The following ZMAT4 variants were observed in gnomAD, a reference collection of about 807,000 sequenced individuals.
The protein encoded by ZMAT4 is zinc finger matrin-type protein 4.
In ZMAT4, 17 loss-of-function variants were observed where a neutral mutation model predicts 28.7. The ratio of observed to expected loss-of-function variants is 0.59; its 90% CI spans 0.41 to 0.89. The LOEUF is 0.89. Ranked by LOEUF, ZMAT4 falls within the 40% of genes least tolerant of loss-of-function variation. The pLI, the probability that ZMAT4 is intolerant of heterozygous loss-of-function variation, is 0.00. For missense variants in ZMAT4, 240 were observed against 283.8 expected, an observed-to-expected ratio of 0.85 and a Z score of 1.11; for synonymous variants, 117 against 109.2, an observed-to-expected ratio of 1.07 and a Z score of -0.44.
intron 5 of ZMAT4, among the ~76,000 whole-genome samples, chr8:40,623,191 G>A (rs928193941): frequency 6.6e-6 from 1 of 152,154 alleles, no homozygotes; most frequent in Admixed American, 6.5e-5. Flanking sequence ...AGAGGGCAGA[G>A]GGAAAGTCAC....
chr8:40,615,531 G>A lies in ZMAT4; in HGVS notation c.578-34270C>T, dbSNP rs984964099. On this transcript the variant is annotated intron_variant, in intron 5 of 6. Transcript: ENST00000297737. The stretch of plus-strand genomic sequence containing the variant: ...TATCCTGCAGAGTGTTTTCCAACTT[G>A]GTTCCATTCTCCCCGTCACTGTCAA... Among the ~76,000 whole-genome samples, 4 of 152,122 alleles carry A rather than the reference G, an allele frequency of 2.6e-5. No individual in the cohort carries two copies. The South Asian group carries it at 8.3e-4, about 32-fold the overall frequency.
At chr8:40,819,898 T>C (rs1052501301) in intron 2 of ZMAT4, among the ~76,000 whole-genome samples, 2 of 151,992 alleles carry the variant, frequency 1.3e-5, no homozygotes, top group African/African-American at 4.8e-5. Context: ...AGCAAATATA[T>C]ATGTTTTTAT....
chr8:40,794,817 T>C (rs897105607), intron 2 of ZMAT4, among the ~76,000 whole-genome samples: 1 of 151,952 alleles, frequency 6.6e-6, no homozygotes, highest in Admixed American at 6.5e-5. Flanking sequence ...GCTGTCATCG[T>C]CAAGGGGTTG....
intron 5 of ZMAT4, among the ~76,000 whole-genome samples, chr8:40,622,277 TAG>T (rs1806228746): frequency 6.6e-6 from 1 of 152,194 alleles, no homozygotes; most frequent in African/African-American, 2.4e-5. Context: ...AAGAGAACAG[TAG>T]AGAGCTTGAA....
chr8:40,686,921 C>T (rs534683022), intron 4 of ZMAT4, among the ~76,000 whole-genome samples: 3 of 151,884 alleles, frequency 2.0e-5, no homozygotes, highest in African/African-American at 7.3e-5. Flanking sequence ...TAACTGCTGC[C>T]CTGTGTTCTT....
chr8:40,598,236 G>C (rs1283033816), intron 5 of ZMAT4, among the ~76,000 whole-genome samples: 1 of 152,182 alleles, frequency 6.6e-6, no homozygotes, highest in Non-Finnish European at 1.5e-5. Flanking sequence ...CAGGATACAT[G>C]TGCAGAATGT....
intron 6 of ZMAT4, among the ~76,000 whole-genome samples, chr8:40,571,185 G>T: frequency 6.6e-6 from 1 of 152,058 alleles, no homozygotes; most frequent in East Asian, 1.9e-4. Flanking sequence ...TGATATGAAA[G>T]AATGAACATG....
At chr8:40,808,294 A>G (rs1308356781) in intron 2 of ZMAT4, among the ~76,000 whole-genome samples, 1 of 152,170 alleles carries the variant, frequency 6.6e-6, no homozygotes, top group Non-Finnish European at 1.5e-5. Context: ...AACTACTATG[A>G]GAACACCTGA....
chr8:40,761,720 T>C (rs1812950141), intron 3 of ZMAT4, among the ~76,000 whole-genome samples: 2 of 152,184 alleles, frequency 1.3e-5, no homozygotes, highest in South Asian at 2.1e-4. Flanking sequence ...AATTGGCTGA[T>C]TGATTAATTA....
intron 5 of ZMAT4, among the ~76,000 whole-genome samples, chr8:40,599,116 A>G (rs1055332702): frequency 6.6e-6 from 1 of 152,130 alleles, no homozygotes; most frequent in Non-Finnish European, 1.5e-5. Flanking sequence ...GGTACTACAC[A>G]TTCCCTTATT....
At chr8:40,579,113 T>G (rs570484438) in intron 6 of ZMAT4, among the ~76,000 whole-genome samples, 97 of 152,296 alleles carry the variant, frequency 6.4e-4, no homozygotes, top group African/African-American at 2.3e-3. Context: ...ATAATAGATG[T>G]GAAAATACCT....
At chr8:40,630,003 T>A (rs1044017234) in intron 5 of ZMAT4, among the ~76,000 whole-genome samples, 1 of 152,130 alleles carries the variant, frequency 6.6e-6, no homozygotes, top group African/African-American at 2.4e-5. Flanking sequence ...CAATGGTTCC[T>A]TTTCAATTTT....
At chr8:40,572,800 C>T (rs1804139476) in intron 6 of ZMAT4, among the ~76,000 whole-genome samples, 1 of 152,084 alleles carries the variant, frequency 6.6e-6, no homozygotes. Context: ...AATTTGACTG[C>T]CATTATGCTG....
At chr8:40,676,393 C>A (rs1228598783) in intron 4 of ZMAT4, among the ~76,000 whole-genome samples, 1 of 152,034 alleles carries the variant, frequency 6.6e-6, no homozygotes, top group Admixed American at 6.6e-5. Flanking sequence ...CTCACATGGG[C>A]CATTAGTCCT....
At chr8:40,669,870 A>C (rs1256630910) in intron 5 of ZMAT4, among the ~76,000 whole-genome samples, 1 of 152,176 alleles carries the variant, frequency 6.6e-6, no homozygotes, top group East Asian at 1.9e-4. Flanking sequence ...AAACCTTTAC[A>C]CTGAAAACTA....
At chr8:40,649,313 C>A (rs998174680) in intron 5 of ZMAT4, among the ~76,000 whole-genome samples, 1 of 151,942 alleles carries the variant, frequency 6.6e-6, no homozygotes, top group African/African-American at 2.4e-5. Flanking sequence ...CAACAAAGAT[C>A]AAAAGAGACA....
intron 3 of ZMAT4, among the ~76,000 whole-genome samples, chr8:40,748,136 C>A (rs980306202): frequency 6.6e-6 from 1 of 152,134 alleles, no homozygotes; most frequent in Non-Finnish European, 1.5e-5. Context: ...AAGGAAAATG[C>A]CTTTTTCCAT....
intron 5 of ZMAT4, among the ~76,000 whole-genome samples, chr8:40,667,835 A>T (rs1189370004): frequency 5.0e-5 from 1 of 20,002 alleles, no homozygotes; most frequent in Non-Finnish European, 1.2e-4. Context: ...TCCATTATTT[A>T]AAAAAAAAAA....
chr8:40,596,128 A>G (rs907296627), intron 5 of ZMAT4, among the ~76,000 whole-genome samples: 15 of 151,994 alleles, frequency 9.9e-5, no homozygotes, highest in South Asian at 2.1e-4. Flanking sequence ...ACCCCACAAT[A>G]TAAGATAAGA....
Sources: allele counts gnomAD v4.1 joint callset (sites outside exome capture counted in the v4.1 genomes callset), GRCh38; gene constraint gnomAD v4.1.1; transcripts MANE v1.5; gene names NCBI Gene and HGNC (gene_info 2026-07-23, HGNC 2026-07-21).